Variants in TNR observed in about 807,000 individuals in gnomAD.
TNR encodes tenascin-R.
TNR carries 45 observed loss-of-function variants against 150.4 expected under a neutral mutation model. The ratio of observed to expected loss-of-function variants is 0.30; its 90% confidence interval spans 0.24 to 0.38. The LOEUF is 0.38. TNR is among the 10% of genes least tolerant of loss of function. The pLI is 1.00. For synonymous variants in TNR, 687 were observed against 678.4 expected, an observed-to-expected ratio of 1.01 and a Z score of -0.20; for missense variants, 1,544 against 1,759.1, an observed-to-expected ratio of 0.88 and a Z score of 2.19.
At chr1:175,386,360 C>A in intron 7 of TNR, 59 bp from the exon 8 acceptor site, 1 of 1,475,526 alleles carries the variant, frequency 6.8e-7, no homozygotes, top group South Asian at 1.4e-5. Flanking sequence ...CCTTGGGTGT[C>A]AGCTCTCTCT....
At chr1:175,466,312 G>A (rs1657033229) in intron 2 of TNR, among the ~76,000 whole-genome samples, 1 of 152,132 alleles carries the variant, frequency 6.6e-6, no homozygotes, top group Non-Finnish European at 1.5e-5. Flanking sequence ...CTTTTCTGAT[G>A]GTTTTCAATT....
In TNR at chr1:175,548,881, A is replaced by G. The variant is rs534386560; in HGVS notation, c.-164-20512T>C. Among the ~76,000 whole-genome samples, 5 of 152,344 alleles carry G rather than the reference A, an allele frequency of 3.3e-5. No homozygotes were observed. In the East Asian group the frequency reaches 9.6e-4, roughly 29 times the overall value. ...CCAATCACATTTATTTCCTGCCTTC[A>G]GGTTCCAGTCAAGGTTTCTGGAAAT... On this transcript the variant is annotated intron_variant, in intron 1 of 22. Coordinates refer to ENST00000367674, the MANE Select transcript of TNR (RefSeq NM_003285.3).
chr1:175,733,056 C>A (rs181403020), intron 1 of TNR, among the ~76,000 whole-genome samples: 1 of 152,220 alleles, frequency 6.6e-6, no homozygotes, highest in East Asian at 1.9e-4. Flanking sequence ...AGGCCTTGGT[C>A]AGGCCAGTTG....
At chr1:175,657,883 A>ATATATATATGTGTGTG (rs1464419575) in intron 1 of TNR, among the ~76,000 whole-genome samples, 3 of 101,132 alleles carry the variant, frequency 3.0e-5, no homozygotes, top group Non-Finnish European at 6.2e-5. Context: ...ATATATATAT[A>ATATATATATGTGTGTG]TGTAACAAAC....
chr1:175,581,863 T>G (rs1433695289), intron 1 of TNR, among the ~76,000 whole-genome samples: 1 of 152,132 alleles, frequency 6.6e-6, no homozygotes, highest in East Asian at 1.9e-4. Flanking sequence ...GACAAGCTTG[T>G]GCTTATTCAT....
At chr1:175,342,359 G>T (rs1650563445) in intron 18 of TNR, among the ~76,000 whole-genome samples, 1 of 152,334 alleles carries the variant, frequency 6.6e-6, no homozygotes, top group East Asian at 1.9e-4. Flanking sequence ...CCACAAATTG[G>T]TGGAGAAGGG....
rs377730053 is a variant in TNR at position 175,365,884 on chromosome 1, C to T, written c.2308G>A (p.Ala770Thr). Residue 770 changes from alanine to threonine, a missense_variant, in exon 11 of 23, where the codon GCT (alanine) becomes ACT (threonine). Around this residue, in one of 2 missense-constraint regions of TNR, gnomAD observed 1,254 missense variants for 1,329.4 expected, o/e 0.94. Coordinates refer to ENST00000367674, the MANE Select transcript of TNR (RefSeq NM_003285.3). ...TCTGCTGCTCTGGTACCTGTGAAAG[C>T]ATCCACAGTGGACTCCAAGCTCTGC... ...RQQSLESTVD[A>T]FTGFRPISHL... 1.1e-5 allele frequency: 18 copies of T among 1,613,652 alleles called. No individual in the cohort carries two copies. The highest frequency in any genetic ancestry group is 4.0e-5 in the African/African-American group (3 of 74,924).
At chr1:175,510,883 G>T (rs1231213692) in intron 2 of TNR, among the ~76,000 whole-genome samples, 3 of 152,146 alleles carry the variant, frequency 2.0e-5, no homozygotes, top group East Asian at 1.9e-4. Flanking sequence ...TTTTTACAAC[G>T]TTCCCAAAAT....
At chr1:175,607,979 G>C (rs1245885093) in intron 1 of TNR, among the ~76,000 whole-genome samples, 1 of 152,236 alleles carries the variant, frequency 6.6e-6, no homozygotes, top group South Asian at 2.1e-4. Context: ...TGTGGTCAGA[G>C]AAGGGACAGC....
intron 1 of TNR, among the ~76,000 whole-genome samples, chr1:175,633,064 C>A (rs565320859): frequency 6.6e-6 from 1 of 152,184 alleles, no homozygotes; most frequent in Non-Finnish European, 1.5e-5. Context: ...ATACCCACCC[C>A]CTCTTCCCTG....
intron 2 of TNR, among the ~76,000 whole-genome samples, chr1:175,506,755 A>G (rs2102154947): frequency 6.6e-6 from 1 of 152,380 alleles, no homozygotes; most frequent in Non-Finnish European, 1.5e-5. Context: ...CAGTCCAAGC[A>G]AACAAACACA....
At chr1:175,507,522 T>C (rs1427699009) in intron 2 of TNR, among the ~76,000 whole-genome samples, 1 of 152,124 alleles carries the variant, frequency 6.6e-6, no homozygotes, top group Non-Finnish European at 1.5e-5. Flanking sequence ...CTTGCTTTCT[T>C]GTCTGTCCGC....
chr1:175,683,846 C>A (rs1028433069), intron 1 of TNR, among the ~76,000 whole-genome samples: 7 of 152,222 alleles, frequency 4.6e-5, no homozygotes, highest in African/African-American at 1.7e-4. Context: ...TCTGCAATAG[C>A]TGACAATGAA....
intron 1 of TNR, among the ~76,000 whole-genome samples, chr1:175,622,089 T>C (rs1663995567): frequency 6.6e-6 from 1 of 152,240 alleles, no homozygotes; most frequent in Non-Finnish European, 1.5e-5. Context: ...GTACATAATA[T>C]ATGTTGGGTA....
At chr1:175,627,743 A>G (rs1664198727) in intron 1 of TNR, among the ~76,000 whole-genome samples, 1 of 152,124 alleles carries the variant, frequency 6.6e-6, no homozygotes, top group African/African-American at 2.4e-5. Context: ...TCTACTTTCA[A>G]GTTAATCTGA....
At chr1:175,493,406 A>T (rs1364320479) in intron 2 of TNR, among the ~76,000 whole-genome samples, 4 of 152,232 alleles carry the variant, frequency 2.6e-5, no homozygotes, top group Non-Finnish European at 4.4e-5. Flanking sequence ...GAACATGCAG[A>T]TGCCCAGCAG....
At chr1:175,606,764 A>G (rs1663420824) in intron 1 of TNR, among the ~76,000 whole-genome samples, 1 of 152,154 alleles carries the variant, frequency 6.6e-6, no homozygotes, top group Admixed American at 6.5e-5. Flanking sequence ...CCACTGGAGC[A>G]GCTTGGGGTT....
chr1:175,716,979 A>G (rs1667170359), intron 1 of TNR, among the ~76,000 whole-genome samples: 1 of 152,076 alleles, frequency 6.6e-6, no homozygotes, highest in Non-Finnish European at 1.5e-5. Context: ...TGACCTTTCC[A>G]TTACAGAGCC....
chr1:175,492,179 C>T lies in TNR; in HGVS notation c.-64+36090G>A, dbSNP rs149113841. On this transcript the variant is annotated intron_variant, in intron 2 of 22. Coordinates refer to ENST00000367674, the MANE Select transcript of TNR (RefSeq NM_003285.3). Reference sequence around the variant, plus strand: ...GGAAAAAAAAGGAGCATTTATTCTTCAGTCTTTCCCCCCTCTGGAGAAAGC... The same window carrying T: ...GGAAAAAAAAGGAGCATTTATTCTTTAGTCTTTCCCCCCTCTGGAGAAAGC... Among the ~76,000 whole-genome samples, 1,488 of 152,274 alleles carry T rather than the reference C, an allele frequency of 9.8e-3. 26 individuals are homozygous for T. Among genetic ancestry groups the T allele is most frequent in the South Asian group, 0.022 (106 of 4,812 alleles).
Sources: gnomAD v4.1 joint callset for allele counts (sites outside exome capture counted in the v4.1 genomes callset) on GRCh38, gnomAD v4.1.1 for gene constraint, gnomAD v4.1.1 regional missense constraint, MANE v1.5 for transcripts, NCBI Gene and HGNC (gene_info 2026-07-23, HGNC 2026-07-21) for gene names.